STRN3: variants seen among roughly 807,000 people sequenced by gnomAD.
STRN3 encodes the protein striatin 3.
STRN3 carries 29 observed loss-of-function variants against 95.6 expected under a neutral mutation model. The ratio of observed to expected loss-of-function variants is 0.30; its 90% CI spans 0.23 to 0.41. The LOEUF is 0.41. STRN3 is among the 10% of genes least tolerant of loss of function. The pLI is 1.00. For synonymous variants in STRN3, 331 were observed against 357.6 expected (o/e 0.93, Z 0.84); for missense variants, 890 against 972.1 (o/e 0.92, Z 1.12).
chr14:30,929,954 C>CAAAAAAAAAAAAAAAA (rs1191963792), intron 7 of STRN3, among the ~76,000 whole-genome samples: 430 of 39,758 alleles, frequency 0.011, 17 homozygotes, highest in Middle Eastern at 0.02. Flanking sequence ...CTAAGATTAG[C>CAAAAAAAAAAAAAAAA]AAAAAAAAAA....
chr14:30,904,950 A>G (rs961863828), intron 15 of STRN3, among the ~76,000 whole-genome samples: 1 of 149,486 alleles, frequency 6.7e-6, no homozygotes, highest in African/African-American at 2.5e-5. Context: ...AAAGTAGCCA[A>G]TTTCGTCAAT....
chr14:30,914,115 C>T (rs1896676282), intron 9 of STRN3, among the ~76,000 whole-genome samples: 3 of 152,136 alleles, frequency 2.0e-5, no homozygotes, highest in Admixed American at 2.0e-4. Flanking sequence ...TCACCAAGTC[C>T]TTTTGCTTTC....
At chr14:30,947,722 G>A (rs1879433736) in intron 4 of STRN3, among the ~76,000 whole-genome samples, 1 of 151,966 alleles carries the variant, frequency 6.6e-6, no homozygotes, top group Admixed American at 6.6e-5. Flanking sequence ...TTGTTAACTA[G>A]AGATTGATGA....
Position 30,929,351 on chromosome 14 carries a change from T to A in STRN3, c.989-40A>T, listed in dbSNP as rs756454177. ...TTATTAAAAGAAAAAAAATCAGCAG[T>A]TGGCAATGCAAGCTGTTGGCAGTAA... is the stretch of plus-strand genomic sequence containing the variant. On this transcript the variant is annotated intron_variant, in intron 7 of 17. Coordinates refer to ENST00000357479, the MANE Select transcript of STRN3 (RefSeq NM_001083893.2). The A allele has an allele frequency of 7.2e-6, 11 of 1,521,974 alleles. No individual in the cohort carries two copies. In the African/African-American group the frequency reaches 1.5e-4, roughly 21 times the overall value. The allele number at this position is 1,521,974 out of a possible 1,614,324, so 94.3% of individuals were successfully genotyped here.
At chr14:30,996,026 G>A (rs1368492321) in intron 1 of STRN3, among the ~76,000 whole-genome samples, 1 of 152,218 alleles carries the variant, frequency 6.6e-6, no homozygotes, top group African/African-American at 2.4e-5. Context: ...CAGCTGCAGA[G>A]TTCCACATTG....
chr14:30,911,651 G>C, intron 12 of STRN3, 126 bp downstream of exon 12: 2 of 809,664 alleles, frequency 2.5e-6, no homozygotes, highest in East Asian at 5.4e-5. Context: ...TTATTAAATA[G>C]CTATTATTCA....
intron 1 of STRN3, among the ~76,000 whole-genome samples, chr14:31,008,049 G>A (rs186824228): frequency 3.9e-5 from 6 of 152,138 alleles, no homozygotes; most frequent in Admixed American, 3.9e-4. Flanking sequence ...AAATTAGCCA[G>A]GCATGATGGC....
At chr14:30,942,130 C>T (rs1879123450) in intron 5 of STRN3, among the ~76,000 whole-genome samples, 1 of 152,192 alleles carries the variant, frequency 6.6e-6, no homozygotes, top group South Asian at 2.1e-4. Flanking sequence ...TGCCATTCCT[C>T]CATTTTCTTT....
chr14:31,017,612 G>A (rs1249683525), intron 1 of STRN3, among the ~76,000 whole-genome samples: 1 of 152,092 alleles, frequency 6.6e-6, no homozygotes, highest in Admixed American at 6.6e-5. Context: ...TCCTGGAGGA[G>A]AACCCCTGGA....
intron 5 of STRN3, 41 bp from the exon 6 acceptor site, chr14:30,936,665 G>A (rs536636534): frequency 1.3e-6 from 2 of 1,581,062 alleles, no homozygotes; most frequent in African/African-American, 1.4e-5. Flanking sequence ...TATTCCAATG[G>A]TTGGTTCTAA....
chr14:30,920,101 T>A (rs1248541780), intron 8 of STRN3, among the ~76,000 whole-genome samples: 1 of 152,206 alleles, frequency 6.6e-6, no homozygotes, highest in East Asian at 1.9e-4. Context: ...TCACTGTGGC[T>A]ATTTGAGTGT....
intron 1 of STRN3, among the ~76,000 whole-genome samples, chr14:30,965,096 T>C (rs1256759424): frequency 6.6e-6 from 1 of 152,166 alleles, no homozygotes; most frequent in Non-Finnish European, 1.5e-5. Context: ...TTGACTTCCT[T>C]TCTTGCAGGC....
intron 1 of STRN3, among the ~76,000 whole-genome samples, chr14:31,009,489 G>A (rs1361288381): frequency 3.5e-5 from 5 of 144,652 alleles, no homozygotes; most frequent in African/African-American, 7.8e-5. Flanking sequence ...CCGCCCCCGC[G>A]CCCCAGTTGA....
At chr14:30,955,816 A>C (rs1879874662) in intron 2 of STRN3, 123 bp from the exon 3 acceptor site, 2 of 822,498 alleles carry the variant, frequency 2.4e-6, no homozygotes. Context: ...TTTGCAAAGA[A>C]CATTGAAGAC....
At chr14:30,980,768 T>C (rs892855520) in intron 1 of STRN3, among the ~76,000 whole-genome samples, 1 of 152,164 alleles carries the variant, frequency 6.6e-6, no homozygotes, top group Non-Finnish European at 1.5e-5. Flanking sequence ...ATTTGTTCTA[T>C]TGCAAGAGTT....
chr14:31,012,036 C>G lies in STRN3; in HGVS notation c.282+13868G>C, dbSNP rs186414136. Among the ~76,000 whole-genome samples the G allele has an allele frequency of 2.8e-3, 424 of 152,318 alleles. 2 individuals are homozygous for G. The highest frequency in any genetic ancestry group is 4.5e-3 in the Non-Finnish European group (303 of 68,026). On this transcript the variant is annotated intron_variant, in intron 1 of 17. Coordinates refer to ENST00000357479, the MANE Select transcript of STRN3 (RefSeq NM_001083893.2). ...GCCGGAGGTTGCAGTGAGCCGAGAT[C>G]GCGCAACTGCGCTCCAGCATGGGCG...
intron 1 of STRN3, among the ~76,000 whole-genome samples, chr14:31,019,290 C>T (rs1387979117): frequency 6.6e-6 from 1 of 152,234 alleles, no homozygotes; most frequent in Non-Finnish European, 1.5e-5. Context: ...GCCTGTGCAA[C>T]ATAGTGAGAC....
intron 1 of STRN3, among the ~76,000 whole-genome samples, chr14:31,019,636 C>T (rs1358760349): frequency 6.6e-6 from 1 of 151,912 alleles, no homozygotes. Flanking sequence ...AGTACAGAAA[C>T]AAAAAGCACA....
At chr14:30,964,045 A>G (rs1880347399) in intron 1 of STRN3, among the ~76,000 whole-genome samples, 2 of 152,156 alleles carry the variant, frequency 1.3e-5, no homozygotes, top group South Asian at 4.1e-4. Context: ...TGAGGTCAGG[A>G]GTTCGAGATC....
Sources: gnomAD v4.1 joint callset for allele counts (sites outside exome capture counted in the v4.1 genomes callset) on GRCh38, gnomAD v4.1.1 for gene constraint, MANE v1.5 for transcripts, NCBI Gene and HGNC (gene_info 2026-07-23, HGNC 2026-07-21) for gene names.